Variants in CTDSPL observed in about 807,000 individuals in gnomAD.
The protein encoded by CTDSPL is CTD small phosphatase like.
A neutral mutation model predicts 30.5 loss-of-function variants in CTDSPL; 8 were observed. The observed-to-expected ratio is 0.26, with a 90% CI of 0.15 to 0.47. CTDSPL has a LOEUF of 0.47. Among genes scored for constraint, CTDSPL ranks in the 20% least tolerant of loss-of-function variants. CTDSPL has a pLI of 0.99. For synonymous variants in CTDSPL, 110 were observed against 137.9 expected (o/e 0.80, Z 1.42); for missense variants, 248 against 366.1 (o/e 0.68, Z 2.63).
chr3:37,889,285 G>T (rs1172765013), intron 1 of CTDSPL, among the ~76,000 whole-genome samples: 3 of 152,116 alleles, frequency 2.0e-5, no homozygotes, highest in Non-Finnish European at 4.4e-5. Context: ...TATATATAAG[G>T]CATTAATTTG....
intron 1 of CTDSPL, among the ~76,000 whole-genome samples, chr3:37,883,683 T>C (rs1010378519): frequency 1.3e-5 from 2 of 152,246 alleles, no homozygotes; most frequent in Non-Finnish European, 2.9e-5. Flanking sequence ...TTTAAATACT[T>C]AGTAGAATAC....
chr3:37,871,108 T>C (rs890671123), intron 1 of CTDSPL, among the ~76,000 whole-genome samples: 12 of 152,200 alleles, frequency 7.9e-5, no homozygotes, highest in African/African-American at 2.4e-4. Context: ...GCTCCACTTA[T>C]TCATCTCTCT....
At chr3:37,891,907 C>T (rs553125660) in intron 1 of CTDSPL, among the ~76,000 whole-genome samples, 2 of 151,976 alleles carry the variant, frequency 1.3e-5, no homozygotes, top group African/African-American at 4.8e-5. Context: ...TACATGTACA[C>T]ACATATATAT....
chr3:37,898,254 C>T (rs1192795710), intron 1 of CTDSPL, among the ~76,000 whole-genome samples: 1 of 152,150 alleles, frequency 6.6e-6, no homozygotes, highest in Non-Finnish European at 1.5e-5. Context: ...TAGGCCCAGG[C>T]CCCAGTGAGA....
At chr3:37,972,002 A>G (rs6789468) in intron 6 of CTDSPL, among the ~76,000 whole-genome samples, 41,710 of 152,078 alleles carry the variant, frequency 0.27, 7,423 homozygotes, top group African/African-American at 0.5. Context: ...TTCTCATGTC[A>G]GTTTCTTCTA....
At chr3:37,878,008 T>C (rs1053779519) in intron 1 of CTDSPL, among the ~76,000 whole-genome samples, 8 of 152,062 alleles carry the variant, frequency 5.3e-5, no homozygotes, top group African/African-American at 1.7e-4. Context: ...ATCCAAACTA[T>C]ATCACCTCCA....
chr3:37,951,347 G>A (rs535687832), intron 2 of CTDSPL, among the ~76,000 whole-genome samples: 2 of 150,010 alleles, frequency 1.3e-5, no homozygotes, highest in African/African-American at 4.9e-5. Context: ...CAGCCTGGGC[G>A]AAAGAGCAAG....
chr3:37,969,409 C>T, intron 5 of CTDSPL: 1 of 530,374 alleles, frequency 1.9e-6, no homozygotes, highest in Non-Finnish European at 3.9e-6. Flanking sequence ...AGGCCGTGGC[C>T]TCGTTCAAGT....
At chr3:37,935,936 GTC>G (rs745746072) in intron 1 of CTDSPL, among the ~76,000 whole-genome samples, 5 of 152,166 alleles carry the variant, frequency 3.3e-5, no homozygotes, top group Admixed American at 6.5e-5. Flanking sequence ...GGTACTTTGA[GTC>G]TCTGTTTTCT....
At chr3:37,920,635 A>T (rs62239981) in intron 1 of CTDSPL, among the ~76,000 whole-genome samples, 8,883 of 152,274 alleles carry the variant, frequency 0.058, 294 homozygotes, top group African/African-American at 0.085. Context: ...AGAGCCAGGC[A>T]CTAATGATAT....
chr3:37,862,102 G>T lies in CTDSPL; in HGVS notation c.-98G>T, dbSNP rs1559618520. 3.6e-6 allele frequency: 1 copy of T among 280,440 alleles called. No individual in the cohort carries two copies. Among genetic ancestry groups the T allele is most frequent in the South Asian group, 1.4e-4 (1 of 7,146 alleles). 17.4% of individuals were successfully genotyped at this position (280,440 alleles called of 1,614,324 possible). A position where few individuals can be genotyped will look rare whatever the true frequency, so the allele number is the denominator to read the frequency against. On this transcript the variant is annotated 5_prime_UTR_variant, in exon 1 of 8. Coordinates refer to ENST00000273179, the MANE Select transcript of CTDSPL (RefSeq NM_001008392.2). This position sits in a 1 kb window ranked among gnomAD's most constrained non-coding sequence, Gnocchi z 4.3. ...GCGCGCCCAGGCAGCGGCTGCGAGC[G>T]CCCCCCCGCGCCGCGCCCCCGCGCC... is the stretch of plus-strand genomic sequence containing the variant.
intron 3 of CTDSPL, among the ~76,000 whole-genome samples, chr3:37,961,505 G>A (rs1699244741): frequency 6.6e-6 from 1 of 152,162 alleles, no homozygotes; most frequent in Admixed American, 6.5e-5. Flanking sequence ...TCACAAACAT[G>A]AGGCTGGCAG....
rs141405163 is a variant in CTDSPL at position 37,889,310 on chromosome 3, T to C, written c.79+27032T>C. ...GCATTAATTTGGATATCAAACTGTT[T>C]GAAATTTTTTGTAATAAAGTTTTTT... On this transcript the variant is annotated intron_variant, in intron 1 of 7. Transcript: ENST00000273179. 4.3e-3 allele frequency among the ~76,000 whole-genome samples: 651 copies of C among 152,326 alleles called. 23 individuals carry two copies. The South Asian group carries it at 0.077, about 18-fold the overall frequency.
chr3:37,980,908 C>G lies in CTDSPL; in HGVS notation c.*41C>G. ...GCCTCCCGCCTGTGCACTCTGGAAC[C>G]TCTGGCCTCAGGGGACCTGCCTGTC... On this transcript the variant is annotated 3_prime_UTR_variant, in exon 8 of 8. Transcript: ENST00000273179. 1 of 1,594,494 alleles carries G rather than the reference C, an allele frequency of 6.3e-7. No individual in the cohort carries two copies. The highest frequency in any genetic ancestry group is 8.6e-7 in the Non-Finnish European group (1 of 1,166,646).
chr3:37,962,138 G>A (rs1317935311), intron 3 of CTDSPL, among the ~76,000 whole-genome samples: 1 of 152,194 alleles, frequency 6.6e-6, no homozygotes, highest in East Asian at 1.9e-4. Flanking sequence ...AAAACTTGGT[G>A]CAGGACATTT....
intron 3 of CTDSPL, among the ~76,000 whole-genome samples, chr3:37,959,827 C>T (rs890587207): frequency 1.3e-5 from 2 of 152,212 alleles, no homozygotes; most frequent in Non-Finnish European, 2.9e-5. Flanking sequence ...AATTTACATT[C>T]TCATGAATTA....
chr3:37,889,588 A>C (rs1325101008), intron 1 of CTDSPL, among the ~76,000 whole-genome samples: 1 of 152,242 alleles, frequency 6.6e-6, no homozygotes, highest in Non-Finnish European at 1.5e-5. Context: ...GGAAATTATC[A>C]AAGAAATAAT....
Position 37,982,500 on chromosome 3 carries a change from G to A in CTDSPL, c.*1633G>A, listed in dbSNP as rs1231128753. Reference sequence around the variant, plus strand: ...AGCCAGCATTCTGGTGGGAGTGACTGGCATTAACAAGACTGGAAATCGGGG... The same window carrying A: ...AGCCAGCATTCTGGTGGGAGTGACTAGCATTAACAAGACTGGAAATCGGGG... On this transcript the variant is annotated 3_prime_UTR_variant, in exon 8 of 8. Coordinates refer to ENST00000273179, the MANE Select transcript of CTDSPL (RefSeq NM_001008392.2). 2 of 455,960 alleles carry A rather than the reference G, an allele frequency of 4.4e-6. No individual in the cohort carries two copies. The highest frequency in any genetic ancestry group is 4.4e-6 in the Non-Finnish European group (1 of 226,384). 28.2% of individuals were successfully genotyped at this position (455,960 alleles called of 1,614,324 possible).
chr3:37,874,826 G>C (rs1236640088), intron 1 of CTDSPL, among the ~76,000 whole-genome samples: 1 of 152,126 alleles, frequency 6.6e-6, no homozygotes, highest in African/African-American at 2.4e-5. Context: ...ATGGTGCCAA[G>C]GGAAGCAGCA....
Sources: allele counts gnomAD v4.1 joint callset (sites outside exome capture counted in the v4.1 genomes callset), GRCh38; gene constraint gnomAD v4.1.1; non-coding constraint Gnocchi (gnomAD v3.1); transcripts MANE v1.5; gene names NCBI Gene and HGNC (gene_info 2026-07-23, HGNC 2026-07-21).